The following C1QTNF7 variants were observed in gnomAD, a reference collection of about 807,000 sequenced individuals.
The protein encoded by C1QTNF7 is complement C1q tumor necrosis factor-related protein 7.
A neutral mutation model predicts 19.6 loss-of-function variants in C1QTNF7; 15 were observed. That is an observed-to-expected ratio of 0.76 (90% CI 0.51 to 1.18). The LOEUF is 1.18. C1QTNF7 is among the 50% of genes most tolerant of loss of function. The pLI is 0.00. For missense variants in C1QTNF7, 324 were observed against 359.7 expected, an observed-to-expected ratio of 0.90 and a Z score of 0.80; for synonymous variants, 142 against 137.5, an observed-to-expected ratio of 1.03 and a Z score of -0.23.
At chr4:15,432,932 C>A (rs1011134671) in intron 1 of C1QTNF7, among the ~76,000 whole-genome samples, 1 of 152,128 alleles carries the variant, frequency 6.6e-6, no homozygotes, top group African/African-American at 2.4e-5. Flanking sequence ...TTCTTCCAAT[C>A]ACATCTTTAA....
At chr4:15,363,675 A>C (rs1717418290) in intron 1 of C1QTNF7, among the ~76,000 whole-genome samples, 1 of 152,162 alleles carries the variant, frequency 6.6e-6, no homozygotes, top group Non-Finnish European at 1.5e-5. Context: ...CCCCAGACAA[A>C]TGAGGCTTCT....
intron 1 of C1QTNF7, among the ~76,000 whole-genome samples, chr4:15,396,630 T>TAA (rs201503412): frequency 1.3e-5 from 2 of 151,418 alleles, no homozygotes; most frequent in African/African-American, 4.9e-5. Flanking sequence ...ATAATAAAGC[T>TAA]AAAAAAAAGG....
chr4:15,390,144 C>T (rs1718501258), intron 1 of C1QTNF7, among the ~76,000 whole-genome samples: 2 of 152,116 alleles, frequency 1.3e-5, no homozygotes, highest in South Asian at 2.1e-4. Context: ...TGCAGGGATT[C>T]GGATTATGCA....
chr4:15,404,951 T>C (rs1027157371), intron 1 of C1QTNF7, among the ~76,000 whole-genome samples: 6 of 152,218 alleles, frequency 3.9e-5, no homozygotes, highest in African/African-American at 1.4e-4. Context: ...ATTGAGATAT[T>C]CAGAACTTCA....
In C1QTNF7 at chr4:15,410,508, A is replaced by C. The variant is rs575405762; in HGVS notation, c.14-25228A>C. On this transcript the variant is annotated intron_variant, in intron 1 of 2. Coordinates refer to the C1QTNF7 transcript ENST00000295297. ...AACTACCTTTTCAACTAACTGCATA[A>C]TATTCCACTAAGTGACTAACCCACA... is the stretch of plus-strand genomic sequence containing the variant. Among the ~76,000 whole-genome samples, 8 of 152,340 alleles carry C rather than the reference A, an allele frequency of 5.3e-5. No individual in the cohort carries two copies. The East Asian group carries it at 1.2e-3, about 22-fold the overall frequency.
chr4:15,351,008 C>T (rs1404371966), intron 1 of C1QTNF7, among the ~76,000 whole-genome samples: 1 of 152,200 alleles, frequency 6.6e-6, no homozygotes, highest in Non-Finnish European at 1.5e-5. Context: ...TTTCCAGGCT[C>T]ATGCCCTTGG....
intron 1 of C1QTNF7, among the ~76,000 whole-genome samples, chr4:15,408,542 ATAAG>A (rs1222319440): frequency 6.6e-6 from 1 of 152,098 alleles, no homozygotes; most frequent in Non-Finnish European, 1.5e-5. Flanking sequence ...GTATATATGG[ATAAG>A]TATGTATGTA....
intron 1 of C1QTNF7, among the ~76,000 whole-genome samples, chr4:15,395,578 T>C (rs188442211): frequency 6.6e-6 from 1 of 152,246 alleles, no homozygotes; most frequent in East Asian, 1.9e-4. Context: ...GCCAGTATAC[T>C]CAGACTCGTA....
chr4:15,381,142 G>C (rs570731538), intron 1 of C1QTNF7, among the ~76,000 whole-genome samples: 1 of 152,158 alleles, frequency 6.6e-6, no homozygotes, highest in Non-Finnish European at 1.5e-5. Context: ...TATTGGCCAG[G>C]CACGGTGGCT....
At chr4:15,393,642 T>G (rs1718668868) in intron 1 of C1QTNF7, among the ~76,000 whole-genome samples, 1 of 152,228 alleles carries the variant, frequency 6.6e-6, no homozygotes, top group African/African-American at 2.4e-5. Flanking sequence ...CTAATCCAGG[T>G]AGCTTCCTTG....
chr4:15,412,571 C>T (rs1006740151), intron 1 of C1QTNF7, among the ~76,000 whole-genome samples: 1 of 152,118 alleles, frequency 6.6e-6, no homozygotes, highest in Non-Finnish European at 1.5e-5. Flanking sequence ...CAGCACAGGG[C>T]CCACTTAGAT....
intron 2 of C1QTNF7, among the ~76,000 whole-genome samples, chr4:15,436,425 A>T (rs1041937928): frequency 6.6e-6 from 1 of 152,244 alleles, no homozygotes; most frequent in African/African-American, 2.4e-5. Flanking sequence ...GATTAAGCAG[A>T]GGCAAAAACC....
At chr4:15,417,240 C>T (rs1237751676) in intron 1 of C1QTNF7, among the ~76,000 whole-genome samples, 1 of 152,152 alleles carries the variant, frequency 6.6e-6, no homozygotes, top group Admixed American at 6.5e-5. Context: ...CAATCTTGTG[C>T]AGCCACCAAC....
intron 1 of C1QTNF7, among the ~76,000 whole-genome samples, chr4:15,362,727 C>T (rs1034176530): frequency 3.9e-5 from 6 of 152,192 alleles, no homozygotes; most frequent in African/African-American, 1.4e-4. Flanking sequence ...TTCAGCATCT[C>T]AGTTTCATGC....
intron 1 of C1QTNF7, among the ~76,000 whole-genome samples, chr4:15,351,496 G>C (rs1716936555): frequency 6.6e-6 from 1 of 152,180 alleles, no homozygotes; most frequent in African/African-American, 2.4e-5. Context: ...AGGAGAAACA[G>C]AGCATTGCAA....
In C1QTNF7 at chr4:15,435,943, A is replaced by C. The variant is rs771295187; in HGVS notation, c.200A>C (p.Asp67Ala). 1.2e-6 allele frequency: 2 copies of C among 1,613,988 alleles called. No individual in the cohort carries two copies. The highest frequency in any genetic ancestry group is 2.2e-5 in the South Asian group (2 of 91,080). Residue 67 changes from aspartate (D) to alanine (A), a missense_variant, in exon 2 of 3, where the codon GAC becomes GCC. Transcript: ENST00000444304. The stretch of plus-strand genomic sequence containing the variant: ...GGCCTTCCAGGAAGAGATGGTAGAG[A>C]CGGCAGGAAAGGAGAGAAAGGTGAA... ...RIGLPGRDGR[D>A]GRKGEKGEKG...
At chr4:15,426,486 G>A (rs1712058730), upstream of C1QTNF7, among the ~76,000 whole-genome samples, 1 of 151,994 alleles carries the variant, frequency 6.6e-6, no homozygotes, top group Non-Finnish European at 1.5e-5. Flanking sequence ...AGAAAAAGAA[G>A]AAATTCAATT....
At chr4:15,381,908 C>T (rs1210390888) in intron 1 of C1QTNF7, 1 of 152,168 alleles carries the variant, frequency 6.6e-6, no homozygotes, top group East Asian at 1.9e-4. Flanking sequence ...AAGATTCTTT[C>T]ATTTGGGGCT....
At chr4:15,386,136 C>T (rs770564563) in intron 1 of C1QTNF7, among the ~76,000 whole-genome samples, 4 of 152,220 alleles carry the variant, frequency 2.6e-5, no homozygotes, top group South Asian at 2.1e-4. Flanking sequence ...GGAGGATGTC[C>T]GCATCCCAGC....
Sources: gnomAD v4.1 joint callset for allele counts (sites outside exome capture counted in the v4.1 genomes callset) on GRCh38, gnomAD v4.1.1 for gene constraint, MANE v1.5 for transcripts, NCBI Gene and HGNC (gene_info 2026-07-23, HGNC 2026-07-21) for gene names.